ATP2C1: variants seen among roughly 807,000 people sequenced by gnomAD.
ATP2C1 encodes ATPase secretory pathway Ca2+ transporting 1.
Under a neutral mutation model 120.5 loss-of-function variants are expected in ATP2C1, and 31 were observed. The observed-to-expected ratio is 0.26, with a 90% CI of 0.19 to 0.35. ATP2C1 has a LOEUF of 0.35. ATP2C1 is among the 10% of genes least tolerant of loss of function. The pLI is 1.00. For synonymous variants in ATP2C1, 351 were observed against 358.7 expected (o/e 0.98, Z 0.24); for missense variants, 731 against 1,107.5 (o/e 0.66, Z 4.83).
intron 11 of ATP2C1, among the ~76,000 whole-genome samples, chr3:130,957,930 A>T (rs1157560241): frequency 6.6e-6 from 1 of 152,234 alleles, no homozygotes; most frequent in Admixed American, 6.5e-5. Flanking sequence ...CATTGTAAAC[A>T]TAAAGTAGAA....
In ATP2C1 at chr3:131,001,392, C is replaced by A; in HGVS notation, c.*42C>A. ...TTATTTGCAAACTAGGAATTGCAGTCTGAGGATCATTTAGAAGGGCAAGTT... is the reference window on the plus strand; with the variant it reads ...TTATTTGCAAACTAGGAATTGCAGTATGAGGATCATTTAGAAGGGCAAGTT... On this transcript the variant is annotated 3_prime_UTR_variant, in exon 28 of 28. Transcript: ENST00000510168. 1 of 1,604,864 alleles carries A rather than the reference C, an allele frequency of 6.2e-7. No individual in the cohort carries two copies. The highest frequency in any genetic ancestry group is 1.1e-5 in the South Asian group (1 of 90,232).
At chr3:130,861,860 C>T (rs2068023773) in intron 1 of ATP2C1, among the ~76,000 whole-genome samples, 1 of 152,084 alleles carries the variant, frequency 6.6e-6, no homozygotes, top group African/African-American at 2.4e-5. Flanking sequence ...AGTGTTTTTA[C>T]CAATTAAAAA....
intron 17 of ATP2C1, among the ~76,000 whole-genome samples, chr3:130,972,849 G>A (rs1327034540): frequency 2.6e-5 from 4 of 151,960 alleles, no homozygotes; most frequent in Non-Finnish European, 5.9e-5. Context: ...CAAGTGAACA[G>A]GGAGGGATTA....
In ATP2C1 at chr3:130,894,574, C is replaced by A; in HGVS notation, c.-180-16C>A. 1 of 1,449,732 alleles carries A rather than the reference C, an allele frequency of 6.9e-7. No individual in the cohort carries two copies. The allele number at this position is 1,449,732 out of a possible 1,614,324, so 89.8% of individuals were successfully genotyped here. The stretch of plus-strand genomic sequence containing the variant: ...CAGCCTCTCGTCAGCGCCGCTTCTC[C>A]TGGTTTCTCTTGCAGATGCTGCTGC... On this transcript the variant is annotated splice_polypyrimidine_tract_variant and intron_variant, in intron 1 of 27. Transcript: ENST00000510168. This position sits in a 1 kb window ranked among gnomAD's most constrained non-coding sequence, Gnocchi z 4.5.
At chr3:130,967,462 C>A in intron 16 of ATP2C1, 43 bp downstream of exon 16, 1 of 1,491,930 alleles carries the variant, frequency 6.7e-7, no homozygotes, top group Non-Finnish European at 9.3e-7. Context: ...GAGACACTGC[C>A]CTCACAACAG....
At position 130,853,423 on chromosome 3, in the gene ATP2C1, ATCT is replaced by A. The variant is rs2067739047; in HGVS notation, c.108+2499_108+2501del. On this transcript the variant is annotated intron_variant, in intron 1 of 26. Transcript: ENST00000504381. Reference sequence around the variant, plus strand: ...ATGTAGTGTCTGCATGCCACTTAAAATCTTCTCCCACCTCACTTAGCGCTGCTA... The same window carrying A: ...ATGTAGTGTCTGCATGCCACTTAAAATCTCCCACCTCACTTAGCGCTGCTA... Among the ~76,000 whole-genome samples the A allele has an allele frequency of 5.9e-5, 9 of 152,192 alleles. 1 individual carries two copies. The highest frequency in any genetic ancestry group is 5.9e-4 in the Admixed American group (9 of 15,286).
At chr3:130,983,792 C>CA (rs1428354604) in intron 20 of ATP2C1, among the ~76,000 whole-genome samples, 1 of 152,154 alleles carries the variant, frequency 6.6e-6, no homozygotes, top group Non-Finnish European at 1.5e-5. Context: ...GGATTTTTTT[C>CA]ACTAAGCAAC....
intron 2 of ATP2C1, among the ~76,000 whole-genome samples, chr3:130,928,951 A>T (rs1224312573): frequency 6.6e-6 from 1 of 152,234 alleles, no homozygotes; most frequent in African/African-American, 2.4e-5. Flanking sequence ...GGAACGGTTC[A>T]ATGAAGTCTT....
intron 2 of ATP2C1, among the ~76,000 whole-genome samples, chr3:130,923,798 G>A (rs569252804): frequency 6.7e-6 from 1 of 149,908 alleles, no homozygotes; most frequent in South Asian, 2.1e-4. Context: ...CCCAGGAGGT[G>A]AAGGTTGTAG....
intron 2 of ATP2C1, among the ~76,000 whole-genome samples, chr3:130,917,329 T>G (rs2058732762): frequency 6.6e-6 from 1 of 152,228 alleles, no homozygotes; most frequent in African/African-American, 2.4e-5. Context: ...GAATAGTGGA[T>G]TCTATGAAGA....
chr3:130,928,361 C>T (rs899977183), intron 2 of ATP2C1: 5 of 152,152 alleles, frequency 3.3e-5, no homozygotes, highest in Non-Finnish European at 7.3e-5. Flanking sequence ...AATACCGTTT[C>T]CTACTCTGGA....
At chr3:130,895,095 A>G (rs898229039) in intron 2 of ATP2C1, among the ~76,000 whole-genome samples, 3 of 152,104 alleles carry the variant, frequency 2.0e-5, no homozygotes, top group Non-Finnish European at 4.4e-5. Context: ...ATTTGAAAGG[A>G]ATTACTCGAG....
intron 2 of ATP2C1, among the ~76,000 whole-genome samples, chr3:130,918,861 G>A (rs542875447): frequency 9.7e-4 from 147 of 152,164 alleles, no homozygotes; most frequent in African/African-American, 3.0e-3. Flanking sequence ...GCATGGTGGC[G>A]GGTGCCTGTA....
chr3:130,902,312 T>TTTTTTTTTTTG (rs1559900216), intron 2 of ATP2C1, among the ~76,000 whole-genome samples: 1 of 76,446 alleles, frequency 1.3e-5, no homozygotes, highest in African/African-American at 4.1e-5. Flanking sequence ...TTTTTTTTTT[T>TTTTTTTTTTTG]TTTTTTTTTT....
intron 6 of ATP2C1, among the ~76,000 whole-genome samples, chr3:130,938,335 G>C (rs1025569570): frequency 6.6e-6 from 1 of 152,208 alleles, no homozygotes; most frequent in Non-Finnish European, 1.5e-5. Context: ...AACAAGAATA[G>C]AATTATTCTA....
At chr3:130,901,802 C>T (rs542760053) in intron 2 of ATP2C1, among the ~76,000 whole-genome samples, 1 of 152,050 alleles carries the variant, frequency 6.6e-6, no homozygotes, top group Non-Finnish European at 1.5e-5. Flanking sequence ...TACCTACTGT[C>T]AATTGAATGA....
In ATP2C1 at chr3:131,002,313, G is replaced by T. The variant is rs2062928628; in HGVS notation, c.*963G>T. ...GTATGTTTTTAATCATATTTCTTAG[G>T]AAGTATAGGCTACTGGACTTAGAAT... On this transcript the variant is annotated 3_prime_UTR_variant, in exon 28 of 28. Coordinates refer to ENST00000510168, the MANE Select transcript of ATP2C1 (RefSeq NM_001378687.1). 1.9e-5 allele frequency: 19 copies of T among 983,348 alleles called. No individual in the cohort carries two copies. Among genetic ancestry groups the T allele is most frequent in the Non-Finnish European group, 1.9e-5 (16 of 828,394 alleles). The allele number at this position is 983,348 out of a possible 1,614,324, so 60.9% of individuals were successfully genotyped here.
chr3:131,014,321 A>G (rs1269726212), intron 26 of ATP2C1: 1 of 1,613,368 alleles, frequency 6.2e-7, no homozygotes, highest in East Asian at 2.2e-5. Flanking sequence ...TGCTCAGGAG[A>G]CTTTCTACAG....
chr3:130,861,545 G>T (rs954572687), intron 1 of ATP2C1, among the ~76,000 whole-genome samples: 3 of 152,158 alleles, frequency 2.0e-5, no homozygotes, highest in Non-Finnish European at 2.9e-5. Flanking sequence ...GATGAGGAAC[G>T]TTCATACTGA....
Sources: allele counts gnomAD v4.1 joint callset (sites outside exome capture counted in the v4.1 genomes callset), GRCh38; gene constraint gnomAD v4.1.1; non-coding constraint Gnocchi (gnomAD v3.1); transcripts MANE v1.5; gene names NCBI Gene and HGNC (gene_info 2026-07-23, HGNC 2026-07-21).